OOSP2: variants seen among roughly 807,000 people sequenced by gnomAD.
OOSP2 encodes the protein oocyte secreted protein 2.
In OOSP2, 7 loss-of-function variants were observed where a neutral mutation model predicts 13.4. The observed-to-expected ratio is 0.52, with a 90% CI of 0.30 to 0.98. The LOEUF is 0.98. Among genes scored for constraint, OOSP2 ranks in the 50% least tolerant of loss-of-function variants. The pLI is 0.07. For synonymous variants in OOSP2, 75 were observed against 67.2 expected (o/e 1.12, Z -0.57); for missense variants, 184 against 188.5 (o/e 0.98, Z 0.14).
In OOSP2 at chr11:60,044,829, G is replaced by A. The variant is rs1854988814; in HGVS notation, c.347+55G>A. On this transcript the variant is annotated intron_variant, in intron 3 of 3. Transcript: ENST00000278855. ...ATGTTTTAGCTTTACCTTTGCTTAT[G>A]AGAAGCTTCTGCAGAAGCATAGACT... The A allele has an allele frequency of 2.1e-5, 17 of 807,056 alleles. No individual in the cohort carries two copies. In the South Asian group the frequency reaches 2.4e-4, roughly 11 times the overall value. 50.0% of individuals were successfully genotyped at this position (807,056 alleles called of 1,614,324 possible).
intron 1 of OOSP2, among the ~76,000 whole-genome samples, chr11:60,041,427 G>T (rs1854926340): frequency 6.6e-6 from 1 of 152,186 alleles, no homozygotes; most frequent in Non-Finnish European, 1.5e-5. Flanking sequence ...GCTATTTAGG[G>T]TGGGTAGGGT....
intron 3 of OOSP2, among the ~76,000 whole-genome samples, chr11:60,046,167 C>A (rs1380442816): frequency 6.6e-6 from 1 of 151,498 alleles, no homozygotes; most frequent in South Asian, 2.1e-4. Flanking sequence ...CTCTGTCTCT[C>A]GCTCTGCCTC....
intron 2 of OOSP2, 76 bp downstream of exon 2, chr11:60,043,723 TA>T (rs1340898905): frequency 2.5e-6 from 2 of 792,282 alleles, no homozygotes; most frequent in South Asian, 2.1e-5. Context: ...AATTGTCTTT[TA>T]AAAAAATAAT....
chr11:60,046,211 GTCTC>G (rs919582791), intron 3 of OOSP2, among the ~76,000 whole-genome samples: 1 of 136,570 alleles, frequency 7.3e-6, no homozygotes, highest in African/African-American at 2.6e-5. Context: ...CTCTCTCTCT[GTCTC>G]TCTCTCTTTC....
intron 3 of OOSP2, chr11:60,046,733 G>A (rs961557689): frequency 3.0e-6 from 2 of 668,932 alleles, no homozygotes; most frequent in South Asian, 1.5e-5. Context: ...CAGAAATCAT[G>A]GGGAGACTAT....
intron 1 of OOSP2, among the ~76,000 whole-genome samples, chr11:60,042,266 A>G (rs1452080424): frequency 6.6e-6 from 1 of 152,100 alleles, no homozygotes; most frequent in Non-Finnish European, 1.5e-5. Flanking sequence ...GCTGGAATTT[A>G]TTTTCCTTTA....
At chr11:60,040,598 C>T (rs183131148) in intron 1 of OOSP2, 75 bp downstream of exon 1, 1,035 of 850,020 alleles carry the variant, frequency 1.2e-3, no homozygotes, top group Middle Eastern at 4.7e-3. Context: ...AGGTGTTTTA[C>T]TCCCTGAAGA....
rs569800964 is a variant in OOSP2 at position 60,041,300 on chromosome 11, A to G, written c.64+777A>G. Among the ~76,000 whole-genome samples, 18 of 152,184 alleles carry G rather than the reference A, an allele frequency of 1.2e-4. 1 individual carries two copies. The highest frequency in any genetic ancestry group is 4.3e-4 in the African/African-American group (18 of 41,516). Reference sequence around the variant, plus strand: ...CACATATAGCTCCTGATATTTTTCCATTTTACCTAAGATGAATTTTAAGAA... The same window carrying G: ...CACATATAGCTCCTGATATTTTTCCGTTTTACCTAAGATGAATTTTAAGAA... On this transcript the variant is annotated intron_variant, in intron 1 of 3. Coordinates refer to ENST00000278855, the MANE Select transcript of OOSP2 (RefSeq NM_173801.5).
chr11:60,044,373 T>C (rs892142940), intron 2 of OOSP2, among the ~76,000 whole-genome samples: 2 of 152,186 alleles, frequency 1.3e-5, no homozygotes, highest in Non-Finnish European at 2.9e-5. Context: ...GACTTACAAA[T>C]CACCTTTCTC....
intron 3 of OOSP2, chr11:60,046,589 G>T (rs1278447243): frequency 2.3e-6 from 1 of 433,450 alleles, no homozygotes; most frequent in African/African-American, 2.0e-5. Flanking sequence ...GACAGATTAA[G>T]CTTTTGGTGG....
At chr11:60,043,165 A>G (rs1274732769) in intron 1 of OOSP2, among the ~76,000 whole-genome samples, 6 of 152,158 alleles carry the variant, frequency 3.9e-5, no homozygotes, top group Admixed American at 6.5e-5. Flanking sequence ...CGGCCTCCCA[A>G]AAGGCTGGGA....
intron 1 of OOSP2, among the ~76,000 whole-genome samples, chr11:60,043,032 G>A (rs1472372545): frequency 6.6e-6 from 1 of 151,986 alleles, no homozygotes; most frequent in Non-Finnish European, 1.5e-5. Context: ...AGCCTCCCGA[G>A]TAGCTGGGAC....
At position 60,047,133 on chromosome 11, in the gene OOSP2, AT is replaced by A; in HGVS notation, c.*66del. ...ATGTATTTTGCAGGAAAACAGTTTC[AT>A]TTTTTCATAGCAAAAATATAGTTGG... On this transcript the variant is annotated 3_prime_UTR_variant, in exon 4 of 4. Coordinates refer to ENST00000278855, the MANE Select transcript of OOSP2 (RefSeq NM_173801.5). 7.1e-7 allele frequency: 1 copy of A among 1,411,310 alleles called. No individual in the cohort carries two copies. 87.4% of individuals were successfully genotyped at this position (1,411,310 alleles called of 1,614,324 possible).
intron 2 of OOSP2, among the ~76,000 whole-genome samples, chr11:60,043,933 A>G (rs544121899): frequency 2.0e-5 from 3 of 152,130 alleles, no homozygotes; most frequent in Non-Finnish European, 4.4e-5. Flanking sequence ...ATTTTGTGTG[A>G]TTCTTCTAAT....
In OOSP2 at chr11:60,047,355, G is replaced by A. The variant is rs557619931; in HGVS notation, c.*282G>A. On this transcript the variant is annotated 3_prime_UTR_variant, in exon 4 of 4. Coordinates refer to ENST00000278855, the MANE Select transcript of OOSP2 (RefSeq NM_173801.5). The stretch of plus-strand genomic sequence containing the variant: ...TTCTGTGTAGAAGATTCAGAAATAT[G>A]TCTTCAAAGACAATGACTTGATCTA... 113 of 205,022 alleles carry A rather than the reference G, an allele frequency of 5.5e-4. No individual in the cohort carries two copies. Among genetic ancestry groups the A allele is most frequent in the Middle Eastern group, 1.8e-3 (1 of 570 alleles). 12.7% of individuals were successfully genotyped at this position (205,022 alleles called of 1,614,324 possible). A position where few individuals can be genotyped will look rare whatever the true frequency, so the allele number is the denominator to read the frequency against.
In OOSP2 at chr11:60,044,721, A is replaced by G. The variant is rs770944942; in HGVS notation, c.294A>G (p.Pro98=). ...TTCAAACCGAGCTGTACTTTACCCC[A>G]AGGAATATAGATCATGACCCTCAGG... ...LLFQTELYFT[P]RNIDHDPQEI... The change falls in exon 3 of 4, where the codon CCA becomes CCG. Residue 98 remains proline, a synonymous_variant. Coordinates refer to ENST00000278855, the MANE Select transcript of OOSP2 (RefSeq NM_173801.5). 6 of 1,605,186 alleles carry G rather than the reference A, an allele frequency of 3.7e-6. No individual in the cohort carries two copies. The South Asian group carries it at 5.5e-5, about 15-fold the overall frequency.
intron 3 of OOSP2, among the ~76,000 whole-genome samples, chr11:60,046,008 C>G (rs1855002099): frequency 6.9e-6 from 1 of 145,812 alleles, no homozygotes; most frequent in African/African-American, 2.5e-5. Flanking sequence ...CCCTCTGTCT[C>G]TCACTCTGCC....
At position 60,044,669 on chromosome 11, in the gene OOSP2, AG is replaced by A; in HGVS notation, c.244del. On this transcript the variant is annotated splice_acceptor_variant, in intron 2 of 3. Transcript: ENST00000278855. LOFTEE classifies it high-confidence loss of function. ...TTCCACTGAAACTTCATGCTCTCCT[AG>A]GTAGTTTCTGAGGAAACTCTCCTTT... is the stretch of plus-strand genomic sequence containing the variant. 1 of 1,405,628 alleles carries A rather than the reference AG, an allele frequency of 7.1e-7. No homozygotes were observed. Among genetic ancestry groups the A allele is most frequent in the Non-Finnish European group, 1.0e-6 (1 of 991,302 alleles). 87.1% of individuals were successfully genotyped at this position (1,405,628 alleles called of 1,614,324 possible). A position where few individuals can be genotyped will look rare whatever the true frequency, so the allele number is the denominator to read the frequency against.
intron 1 of OOSP2, 63 bp from the exon 2 acceptor site, chr11:60,043,406 T>C (rs970250032): frequency 7.5e-5 from 81 of 1,081,640 alleles, no homozygotes; most frequent in Non-Finnish European, 1.1e-4. Context: ...GAGTTGACTA[T>C]TCTTTGAACA....
Sources: gnomAD v4.1 joint callset for allele counts (sites outside exome capture counted in the v4.1 genomes callset) on GRCh38, gnomAD v4.1.1 for gene constraint, MANE v1.5 for transcripts, NCBI Gene and HGNC (gene_info 2026-07-23, HGNC 2026-07-21) for gene names.